MED8: variants seen among roughly 807,000 people sequenced by gnomAD.
MED8 encodes mediator of RNA polymerase II transcription subunit 8.
In MED8, 22 loss-of-function variants were observed where a neutral mutation model predicts 34.8. The ratio of observed to expected loss-of-function variants is 0.63; its 90% confidence interval spans 0.45 to 0.90. The LOEUF is 0.90. Among genes scored for constraint, MED8 ranks in the 40% least tolerant of loss-of-function variants. The pLI is 0.00. For missense variants in MED8, 260 were observed against 326.3 expected (o/e 0.80, Z 1.57); for synonymous variants, 105 against 120.2 (o/e 0.87, Z 0.83).
At chr1:43,385,195 T>C in intron 6 of MED8, 89 bp from the exon 7 acceptor site, 6 of 1,494,098 alleles carry the variant, frequency 4.0e-6, no homozygotes, top group Non-Finnish European at 5.4e-6. Context: ...CCTCTGTCAC[T>C]TCCTTTATCA....
Position 43,386,813 on chromosome 1 carries a change from A to G in MED8, c.411+45T>C, listed in dbSNP as rs1442995538. ...CAGGAATGGTAATGCCTAGCTTCTC[A>G]TGATGGGATGGGGATGGGGCAGCAA... On this transcript the variant is annotated intron_variant, in intron 4 of 6. Coordinates refer to ENST00000372457, the MANE Select transcript of MED8 (RefSeq NM_201542.5). This position sits in a 1 kb window ranked among gnomAD's most constrained non-coding sequence, Gnocchi z 4.9. The G allele has an allele frequency of 3.1e-6, 5 of 1,612,264 alleles. No homozygotes were observed. The highest frequency in any genetic ancestry group is 2.7e-5 in the African/African-American group (2 of 75,048).
Position 43,387,666 on chromosome 1 carries a change from TG to T in MED8, c.126-20del, listed in dbSNP as rs749105256. On this transcript the variant is annotated intron_variant, in intron 2 of 6. Transcript: ENST00000372457. The stretch of plus-strand genomic sequence containing the variant: ...AGATGGCCTGGTGGTGGTAACAAGG[TG>T]TAAGAATGTTGTACCCCTTCCCTGG... The T allele has an allele frequency of 1.2e-6, 2 of 1,613,050 alleles. No individual in the cohort carries two copies. Among genetic ancestry groups the T allele is most frequent in the African/African-American group, 2.7e-5 (2 of 74,796 alleles).
intron 1 of MED8, 33 bp downstream of exon 1, chr1:43,389,726 G>T: frequency 6.2e-7 from 1 of 1,601,972 alleles, no homozygotes; most frequent in Admixed American, 1.7e-5. Context: ...CCCGAAGCTT[G>T]CCAGCCGCTA....
In MED8 at chr1:43,386,780, C is replaced by T; in HGVS notation, c.411+78G>A. On this transcript the variant is annotated intron_variant, in intron 4 of 6. Coordinates refer to ENST00000372457, the MANE Select transcript of MED8 (RefSeq NM_201542.5). This position sits in a 1 kb window ranked among gnomAD's most constrained non-coding sequence, Gnocchi z 4.9. Reference sequence around the variant, plus strand: ...CTTAGGCGCAACCAACTATGTATCCCTACTAGACAGGAATGGTAATGCCTA... The same window carrying T: ...CTTAGGCGCAACCAACTATGTATCCTTACTAGACAGGAATGGTAATGCCTA... The T allele has an allele frequency of 6.2e-7, 1 of 1,605,350 alleles. No individual in the cohort carries two copies. Among genetic ancestry groups the T allele is most frequent in the Non-Finnish European group, 8.5e-7 (1 of 1,175,100 alleles).
intron 6 of MED8, chr1:43,385,745 G>A (rs768090644): frequency 1.2e-5 from 7 of 572,296 alleles, no homozygotes; most frequent in South Asian, 6.2e-5. Context: ...TGTGAGATGC[G>A]GATGAGAAAT....
At position 43,386,242 on chromosome 1, in the gene MED8, T is replaced by C. The variant is rs201417374; in HGVS notation, c.494-16A>G. ...GGCCGGAGACCTGAAGAAAAAGTAATGGGGATCCTGAAGTATGCTTCTGAT... is the reference window on the plus strand; with the variant it reads ...GGCCGGAGACCTGAAGAAAAAGTAACGGGGATCCTGAAGTATGCTTCTGAT... On this transcript the variant is annotated splice_polypyrimidine_tract_variant and intron_variant, in intron 5 of 6. Transcript: ENST00000372457. This position sits in a 1 kb window ranked among gnomAD's most constrained non-coding sequence, Gnocchi z 4.9. 5.6e-5 allele frequency: 90 copies of C among 1,608,762 alleles called. No individual in the cohort carries two copies. Among genetic ancestry groups the C allele is most frequent in the East Asian group, 8.9e-5 (4 of 44,860 alleles).
rs1242891368 is a variant in MED8 at position 43,386,742 on chromosome 1, C to T, written c.412-72G>A. ...TATGGAGAAATTTATTCCTTGGGTTCTGCCAGAAGCAACTTAGGCGCAACC... is the reference window on the plus strand; with the variant it reads ...TATGGAGAAATTTATTCCTTGGGTTTTGCCAGAAGCAACTTAGGCGCAACC... On this transcript the variant is annotated intron_variant, in intron 4 of 6. Coordinates refer to ENST00000372457, the MANE Select transcript of MED8 (RefSeq NM_201542.5). The surrounding 1 kb of genome is among the most constrained non-coding windows in gnomAD (Gnocchi z 4.9). 3.8e-6 allele frequency: 6 copies of T among 1,589,562 alleles called. No homozygotes were observed. Among genetic ancestry groups the T allele is most frequent in the Admixed American group, 1.8e-5 (1 of 55,462 alleles).
Position 43,384,977 on chromosome 1 carries a change from G to A in MED8, c.*65C>T, listed in dbSNP as rs1284449653. 2.6e-6 allele frequency: 4 copies of A among 1,528,306 alleles called. No individual in the cohort carries two copies. The East Asian group carries it at 9.8e-5, about 38-fold the overall frequency. 94.7% of individuals were successfully genotyped at this position (1,528,306 alleles called of 1,614,324 possible). A position where few individuals can be genotyped will look rare whatever the true frequency, so the allele number is the denominator to read the frequency against. On this transcript the variant is annotated 3_prime_UTR_variant, in exon 7 of 7. Transcript: ENST00000372457. ...TTGTACCCATCTAGGTGAGCCTTGAGCAAAAGGTAATTTCACTGCCCAACT... is the reference window on the plus strand; with the variant it reads ...TTGTACCCATCTAGGTGAGCCTTGAACAAAAGGTAATTTCACTGCCCAACT...
chr1:43,385,468 C>T (rs1570502764), intron 6 of MED8: 4 of 239,094 alleles, frequency 1.7e-5, no homozygotes, highest in East Asian at 2.2e-4. Context: ...TTTTCCTAGA[C>T]AGCTTGGAGG....
At chr1:43,389,672 C>A in intron 1 of MED8, 87 bp downstream of exon 1, 1 of 1,568,768 alleles carries the variant, frequency 6.4e-7, no homozygotes, top group Non-Finnish European at 8.6e-7. Context: ...CTTCTCAGTC[C>A]CAACTCTTCA....
At chr1:43,389,645 C>T in intron 1 of MED8, 114 bp downstream of exon 1, 2 of 1,460,860 alleles carry the variant, frequency 1.4e-6, no homozygotes. Context: ...CCTTATCAGC[C>T]GTGGGTTCTG....
At position 43,387,374 on chromosome 1, in the gene MED8, CAGA is replaced by C; in HGVS notation, c.270+126_270+128del. ...TATTTGGGAGTGGCTCTCCCGCCTT[CAGA>C]AGAACAAAAAGCAAGGCCTCCAAAA... On this transcript the variant is annotated intron_variant, in intron 3 of 6. Coordinates refer to ENST00000372457, the MANE Select transcript of MED8 (RefSeq NM_201542.5). The C allele has an allele frequency of 3.1e-6, 4 of 1,277,528 alleles. No homozygotes were observed. In the South Asian group the frequency reaches 6.1e-5, roughly 19 times the overall value. The allele number at this position is 1,277,528 out of a possible 1,614,324, so 79.1% of individuals were successfully genotyped here.
rs145482345 is a variant in MED8, at chr1:43,388,109, G to T, written c.125+201C>A. ...AAGGGTAAGAATTGAAAGCTAGAAA[G>T]AACTTGGGTTAGGAAACTGAGCATT... On this transcript the variant is annotated intron_variant, in intron 2 of 6. Transcript: ENST00000372457. Among the ~76,000 whole-genome samples the T allele has an allele frequency of 3.4e-4, 52 of 152,348 alleles. 1 individual carries two copies. The East Asian group carries it at 9.6e-3, about 28-fold the overall frequency.
In MED8 at chr1:43,384,979, A is replaced by G; in HGVS notation, c.*63T>C. ...GTACCCATCTAGGTGAGCCTTGAGC[A>G]AAAGGTAATTTCACTGCCCAACTCT... On this transcript the variant is annotated 3_prime_UTR_variant, in exon 7 of 7. Transcript: ENST00000372457. 6.5e-7 allele frequency: 1 copy of G among 1,529,354 alleles called. No homozygotes were observed. The highest frequency in any genetic ancestry group is 8.8e-7 in the Non-Finnish European group (1 of 1,138,960). 94.7% of individuals were successfully genotyped at this position (1,529,354 alleles called of 1,614,324 possible). A position where few individuals can be genotyped will look rare whatever the true frequency, so the allele number is the denominator to read the frequency against.
intron 1 of MED8, among the ~76,000 whole-genome samples, chr1:43,389,480 C>T (rs533029009): frequency 6.6e-6 from 1 of 152,298 alleles, no homozygotes; most frequent in South Asian, 2.1e-4. Context: ...CTCAGCCTCC[C>T]CGTATTACAA....
At chr1:43,388,161 C>T in intron 2 of MED8, 149 bp downstream of exon 2, 1 of 763,688 alleles carries the variant, frequency 1.3e-6, no homozygotes, top group Non-Finnish European at 2.1e-6. Flanking sequence ...ATGGAATCCA[C>T]TTGCTAAATG....
In MED8 at chr1:43,384,497, G is replaced by C; in HGVS notation, c.*545C>G. ...TTTTTTTTTCCTTCCTGGCCCAGAA[G>C]CTTCTTCACCTTGCGCCTTAGAGGG... On this transcript the variant is annotated 3_prime_UTR_variant, in exon 7 of 7. Transcript: ENST00000372457. 1 of 1,611,550 alleles carries C rather than the reference G, an allele frequency of 6.2e-7. No homozygotes were observed. Among genetic ancestry groups the C allele is most frequent in the Admixed American group, 1.7e-5 (1 of 59,730 alleles).
rs1647652181 is a variant in MED8, at chr1:43,384,433, G to C, written c.*609C>G. On this transcript the variant is annotated 3_prime_UTR_variant, in exon 7 of 7. Transcript: ENST00000372457. ...AGTTGGCTCCTTAGAGGATGGAAAGGAGAGCAGGCCCAAGCTTCACCAGAG... is the reference window on the plus strand; with the variant it reads ...AGTTGGCTCCTTAGAGGATGGAAAGCAGAGCAGGCCCAAGCTTCACCAGAG... 6.3e-7 allele frequency: 1 copy of C among 1,578,862 alleles called. No homozygotes were observed. Among genetic ancestry groups the C allele is most frequent in the Admixed American group, 1.9e-5 (1 of 53,612 alleles).
chr1:43,384,667 G>GT lies in MED8; in HGVS notation c.*374dup, dbSNP rs1427530321. ...ATCAGCTCACCATTGACGTGAGGCA[G>GT]TATCAGATTAGGGTAAGTTCTGGAT... is the stretch of plus-strand genomic sequence containing the variant. On this transcript the variant is annotated 3_prime_UTR_variant, in exon 7 of 7. Transcript: ENST00000372457. 5.5e-6 allele frequency: 8 copies of GT among 1,465,482 alleles called. No individual in the cohort carries two copies. The Admixed American group carries it at 8.2e-5, about 15-fold the overall frequency. The allele number at this position is 1,465,482 out of a possible 1,614,324, so 90.8% of individuals were successfully genotyped here.
Sources: allele counts gnomAD v4.1 joint callset (sites outside exome capture counted in the v4.1 genomes callset), GRCh38; gene constraint gnomAD v4.1.1; non-coding constraint Gnocchi (gnomAD v3.1); transcripts MANE v1.5; gene names NCBI Gene and HGNC (gene_info 2026-07-23, HGNC 2026-07-21).